CNKSR3: variants seen among roughly 807,000 people sequenced by gnomAD.
The protein encoded by CNKSR3 is connector enhancer of kinase suppressor of ras 3.
Under a neutral mutation model 67.7 loss-of-function variants are expected in CNKSR3, and 36 were observed. The ratio of observed to expected loss-of-function variants is 0.53; its 90% CI spans 0.41 to 0.70. The LOEUF (loss-of-function observed/expected upper bound fraction) is 0.70, where lower values mean the gene tolerates loss of function less well. CNKSR3 is among the 30% of genes least tolerant of loss of function. CNKSR3 has a pLI of 0.00. For missense variants in CNKSR3, 630 were observed against 695.2 expected, an observed-to-expected ratio of 0.91 and a Z score of 1.05; for synonymous variants, 281 against 271.4, an observed-to-expected ratio of 1.04 and a Z score of -0.35.
In CNKSR3 at chr6:154,388,500, C is replaced by T. The variant is rs1379897929; in HGVS notation, c.*17854G>A. 7.2e-5 allele frequency: 11 copies of T among 152,058 alleles called. No homozygotes were observed. Among genetic ancestry groups the T allele is most frequent in the African/African-American group, 2.4e-4 (10 of 41,388 alleles). 9.4% of individuals were successfully genotyped at this position (152,058 alleles called of 1,614,324 possible). The stretch of plus-strand genomic sequence containing the variant: ...CAAATGCTAATACCTCTTTGGGATC[C>T]TGATTTCAATTTTTTTGGATAAATA... On this transcript the variant is annotated 3_prime_UTR_variant, in exon 13 of 13. Coordinates refer to ENST00000607772, the MANE Select transcript of CNKSR3 (RefSeq NM_173515.4).
At chr6:154,452,633 T>C (rs1444046188) in intron 1 of CNKSR3, among the ~76,000 whole-genome samples, 1 of 152,256 alleles carries the variant, frequency 6.6e-6, no homozygotes, top group Non-Finnish European at 1.5e-5. Flanking sequence ...AAGCCTGTTA[T>C]GGCTAAACTG....
At chr6:154,419,727 A>G (rs1296464532) in intron 9 of CNKSR3, among the ~76,000 whole-genome samples, 1 of 152,176 alleles carries the variant, frequency 6.6e-6, no homozygotes, top group East Asian at 1.9e-4. Context: ...TCAACAGATG[A>G]ATGGATAAGG....
intron 1 of CNKSR3, among the ~76,000 whole-genome samples, chr6:154,472,944 G>A (rs1786363093): frequency 6.6e-6 from 1 of 152,126 alleles, no homozygotes; most frequent in Non-Finnish European, 1.5e-5. Context: ...ACTAAGTGAG[G>A]TATCGAGTCT....
chr6:154,430,549 T>C lies in CNKSR3; in HGVS notation c.592A>G (p.Thr198Ala). ...NGICDKTIRS[T>A]TDPVMSQCAC... ...CACTGGCTCATCACAGGATCTGTGG[T>C]AGATCGGATTGTTTTGTCACAGATG... Residue 198 changes from threonine (T) to alanine (A), a missense_variant, in exon 6 of 13, where the codon ACC becomes GCC. Thr to Ala is a moderately conservative substitution (Grantham distance 58, BLOSUM62 0). Transcript: ENST00000607772. The C allele has an allele frequency of 6.2e-7, 1 of 1,612,376 alleles. No individual in the cohort carries two copies. Among genetic ancestry groups the C allele is most frequent in the East Asian group, 2.2e-5 (1 of 44,732 alleles).
intron 1 of CNKSR3, among the ~76,000 whole-genome samples, chr6:154,496,615 A>G (rs1786884238): frequency 6.6e-6 from 1 of 152,216 alleles, no homozygotes; most frequent in Admixed American, 6.5e-5. Flanking sequence ...ATTTTAATGT[A>G]TGAGAGCATT....
intron 9 of CNKSR3, among the ~76,000 whole-genome samples, chr6:154,417,381 C>T (rs1785045210): frequency 1.3e-5 from 2 of 152,210 alleles, no homozygotes; most frequent in Admixed American, 1.3e-4. Flanking sequence ...TTCATAACCA[C>T]TAGGCTGTGC....
intron 9 of CNKSR3, among the ~76,000 whole-genome samples, chr6:154,415,567 G>A (rs559763839): frequency 1.3e-4 from 20 of 152,242 alleles, no homozygotes; most frequent in Non-Finnish European, 2.4e-4. Context: ...GTCACACAAT[G>A]TCTCTGTGCC....
chr6:154,410,506 TA>T (rs1456129075), intron 11 of CNKSR3, 74 bp from the exon 12 acceptor site: 1 of 981,314 alleles, frequency 1.0e-6, no homozygotes, highest in East Asian at 2.4e-5. Flanking sequence ...CCTTTATGTA[TA>T]ACTTAGACCT....
chr6:154,429,060 A>C (rs1433615895), intron 6 of CNKSR3, among the ~76,000 whole-genome samples: 1 of 152,200 alleles, frequency 6.6e-6, no homozygotes, highest in African/African-American at 2.4e-5. Context: ...TGAGAGGTAA[A>C]CTCAGAGGCC....
chr6:154,416,806 G>T (rs1344124246), intron 9 of CNKSR3, among the ~76,000 whole-genome samples: 1 of 152,166 alleles, frequency 6.6e-6, no homozygotes, highest in Non-Finnish European at 1.5e-5. Context: ...CACATCGCAA[G>T]AACACCTGGT....
chr6:154,441,570 G>A lies in CNKSR3; in HGVS notation c.420-191C>T, dbSNP rs181537942. On this transcript the variant is annotated intron_variant, in intron 3 of 12. Coordinates refer to ENST00000607772, the MANE Select transcript of CNKSR3 (RefSeq NM_173515.4). ...ATGATCTTGGCTCACTGCAATCTAC[G>A]CCTCCCAGGTTCAAGCAACTCTCCT... Among the ~76,000 whole-genome samples, 27 of 152,144 alleles carry A rather than the reference G, an allele frequency of 1.8e-4. No homozygotes were observed. The East Asian group carries it at 2.1e-3, about 12-fold the overall frequency.
intron 1 of CNKSR3, among the ~76,000 whole-genome samples, chr6:154,463,456 T>A (rs1249485522): frequency 6.6e-6 from 1 of 152,008 alleles, no homozygotes; most frequent in African/African-American, 2.4e-5. Context: ...CCGTGGGAAA[T>A]GAGAAAAAGG....
At position 154,408,265 on chromosome 6, in the gene CNKSR3, C is replaced by T. The variant is rs571968727; in HGVS notation, c.1370-1613G>A. On this transcript the variant is annotated intron_variant, in intron 12 of 12. Transcript: ENST00000607772. ...GTCTCGAACTGCTGACCTCGTGATC[C>T]GCCTGCCTTGGCCTCCCAAAGTGCT... is the stretch of plus-strand genomic sequence containing the variant. Among the ~76,000 whole-genome samples, 10 of 152,252 alleles carry T rather than the reference C, an allele frequency of 6.6e-5. No homozygotes were observed. In the East Asian group the frequency reaches 7.7e-4, roughly 12 times the overall value.
At chr6:154,474,406 C>A (rs528834113) in intron 1 of CNKSR3, among the ~76,000 whole-genome samples, 118 of 123,636 alleles carry the variant, frequency 9.5e-4, no homozygotes, top group African/African-American at 4.7e-3. Flanking sequence ...AAGCAAGACT[C>A]CGTCTCAAAA....
At chr6:154,410,230 G>A in intron 12 of CNKSR3, 113 bp downstream of exon 12, 1 of 657,126 alleles carries the variant, frequency 1.5e-6, no homozygotes, top group Non-Finnish European at 2.6e-6. Flanking sequence ...GACTCAGAAA[G>A]GCCAAGTACT....
chr6:154,395,373 C>G lies in CNKSR3; in HGVS notation c.*10981G>C, dbSNP rs1784650755. ...CATCCATTGCTGTTTACAAAGGAGA[C>G]TCTGTATTTAACCACCCAGGATCTC... On this transcript the variant is annotated 3_prime_UTR_variant, in exon 13 of 13. Coordinates refer to ENST00000607772, the MANE Select transcript of CNKSR3 (RefSeq NM_173515.4). The G allele has an allele frequency of 6.6e-6, 1 of 152,164 alleles. No homozygotes were observed. The highest frequency in any genetic ancestry group is 2.1e-4 in the South Asian group (1 of 4,826). The allele number at this position is 152,164 out of a possible 1,614,324, so 9.4% of individuals were successfully genotyped here. A position where few individuals can be genotyped will look rare whatever the true frequency, so the allele number is the denominator to read the frequency against.
At chr6:154,504,769 G>A (rs1439141963) in intron 1 of CNKSR3, among the ~76,000 whole-genome samples, 1 of 151,734 alleles carries the variant, frequency 6.6e-6, no homozygotes, top group Non-Finnish European at 1.5e-5. Context: ...CAGCACTCTG[G>A]GAGGCCGAGG....
At chr6:154,429,690 T>C (rs1785325417) in intron 6 of CNKSR3, among the ~76,000 whole-genome samples, 1 of 152,118 alleles carries the variant, frequency 6.6e-6, no homozygotes, top group Non-Finnish European at 1.5e-5. Context: ...CAGCTACCTA[T>C]ACATTAGATA....
chr6:154,471,485 A>T (rs1157266808), intron 1 of CNKSR3, among the ~76,000 whole-genome samples: 1 of 152,186 alleles, frequency 6.6e-6, no homozygotes, highest in Non-Finnish European at 1.5e-5. Flanking sequence ...GGTTGCAGTG[A>T]GCCAAGATCG....
Sources: gnomAD v4.1 joint callset for allele counts (sites outside exome capture counted in the v4.1 genomes callset) on GRCh38, gnomAD v4.1.1 for gene constraint, MANE v1.5 for transcripts, NCBI Gene and HGNC (gene_info 2026-07-23, HGNC 2026-07-21) for gene names.